IQGAP2: variants seen among roughly 807,000 people sequenced by gnomAD.
IQGAP2 encodes the protein ras GTPase-activating-like protein IQGAP2.
Under a neutral mutation model 201.3 loss-of-function variants are expected in IQGAP2, and 173 were observed. The observed-to-expected ratio is 0.86, with a 90% CI of 0.76 to 0.98. The LOEUF (loss-of-function observed/expected upper bound fraction) is 0.98, where lower values mean the gene tolerates loss of function less well. Among genes scored for constraint, IQGAP2 ranks in the 50% least tolerant of loss-of-function variants. IQGAP2 has a pLI of 0.00. For missense variants in IQGAP2, 1,687 were observed against 1,864.8 expected (o/e 0.90, Z 1.76); for synonymous variants, 675 against 673.9 (o/e 1.00, Z -0.03).
intron 2 of IQGAP2, among the ~76,000 whole-genome samples, chr5:76,489,976 T>A (rs1189084034): frequency 6.6e-6 from 1 of 152,230 alleles, no homozygotes; most frequent in Non-Finnish European, 1.5e-5. Context: ...GCAAGGAAAT[T>A]TCTTAGCCCT....
At chr5:76,441,144 C>T (rs1278317804) in intron 1 of IQGAP2, among the ~76,000 whole-genome samples, 3 of 152,032 alleles carry the variant, frequency 2.0e-5, no homozygotes, top group Non-Finnish European at 2.9e-5. Flanking sequence ...TTCCTCATTT[C>T]GTGAGCGGAA....
Position 76,673,381 on chromosome 5 carries a change from C to T in IQGAP2, c.3069-68C>T. 1.9e-6 allele frequency: 3 copies of T among 1,543,584 alleles called. No homozygotes were observed. The South Asian group carries it at 3.7e-5, about 19-fold the overall frequency. The stretch of plus-strand genomic sequence containing the variant: ...CACTATACAAAGCTTGACTATAGAA[C>T]CAACTTGGCAGCAAAATTAATGCTT... On this transcript the variant is annotated intron_variant, in intron 24 of 35. Transcript: ENST00000274364.
At chr5:76,674,408 A>C (rs751264011) in intron 26 of IQGAP2, 69 bp from the exon 27 acceptor site, 60 of 923,832 alleles carry the variant, frequency 6.5e-5, no homozygotes, top group Non-Finnish European at 9.3e-5. Context: ...ATCTTTAAAA[A>C]AAAAAAGAAA....
rs185032559 is a variant in IQGAP2, at chr5:76,538,499, G to A, written c.147-23897G>A. Among the ~76,000 whole-genome samples the A allele has an allele frequency of 4.6e-3, 700 of 152,298 alleles. 4 individuals carry two copies. The highest frequency in any genetic ancestry group is 0.015 in the African/African-American group (630 of 41,554). On this transcript the variant is annotated intron_variant, in intron 2 of 35. Coordinates refer to ENST00000274364, the MANE Select transcript of IQGAP2 (RefSeq NM_006633.5). ...AGCTGACCTCTGCCTGCCTCAAGCC[G>A]GATTACAATTCTGTTGGGACTGTTT...
chr5:76,698,904 G>C (rs1747000347), intron 33 of IQGAP2, among the ~76,000 whole-genome samples: 6 of 152,026 alleles, frequency 3.9e-5, no homozygotes, highest in Admixed American at 3.9e-4. Flanking sequence ...GGGGTACAAG[G>C]TGATGTTATC....
At chr5:76,527,875 T>G (rs577969213) in intron 2 of IQGAP2, among the ~76,000 whole-genome samples, 2 of 152,232 alleles carry the variant, frequency 1.3e-5, no homozygotes, top group African/African-American at 4.8e-5. Flanking sequence ...TATCCTGTAT[T>G]AACTTGCTAA....
intron 5 of IQGAP2, among the ~76,000 whole-genome samples, chr5:76,585,428 C>T (rs1297762426): frequency 2.6e-5 from 4 of 151,938 alleles, no homozygotes; most frequent in Non-Finnish European, 4.4e-5. Flanking sequence ...GAGGAAAGTG[C>T]AAATCAGGTA....
intron 30 of IQGAP2, among the ~76,000 whole-genome samples, chr5:76,691,955 T>G (rs1271206916): frequency 6.6e-6 from 1 of 152,186 alleles, no homozygotes; most frequent in Non-Finnish European, 1.5e-5. Context: ...CATGAACATT[T>G]CCTGCTAGAG....
intron 13 of IQGAP2, chr5:76,618,082 A>G: frequency 6.2e-7 from 1 of 1,614,160 alleles, no homozygotes; most frequent in Non-Finnish European, 8.5e-7. Flanking sequence ...ACCAAGGCAT[A>G]GGTGTGCTTG....
At chr5:76,428,962 A>C (rs968626045) in intron 1 of IQGAP2, among the ~76,000 whole-genome samples, 1 of 151,466 alleles carries the variant, frequency 6.6e-6, no homozygotes, top group Non-Finnish European at 1.5e-5. Flanking sequence ...GCGTGATGAC[A>C]CAGCTACTCG....
chr5:76,682,408 C>T lies in IQGAP2; in HGVS notation c.3661-707C>T, dbSNP rs79705381. Among the ~76,000 whole-genome samples the T allele has an allele frequency of 6.6e-3, 994 of 151,436 alleles. 24 individuals carry two copies. Among genetic ancestry groups the T allele is most frequent in the East Asian group, 0.039 (200 of 5,158 alleles). ...GAAATGCAAGCAAAAACAGATGTGT[C>T]GCTGTTCATGTGTAAGGTTGTAACA... On this transcript the variant is annotated intron_variant, in intron 28 of 35. Transcript: ENST00000274364.
At chr5:76,496,103 G>A (rs546707881) in intron 2 of IQGAP2, among the ~76,000 whole-genome samples, 1 of 152,278 alleles carries the variant, frequency 6.6e-6, no homozygotes, top group South Asian at 2.1e-4. Context: ...AACCAAACTT[G>A]GAAACCTTGA....
chr5:76,538,581 G>A (rs1389515021), intron 2 of IQGAP2, among the ~76,000 whole-genome samples: 1 of 152,212 alleles, frequency 6.6e-6, no homozygotes, highest in Non-Finnish European at 1.5e-5. Flanking sequence ...GTTTAGCTCT[G>A]TGTCAGCATC....
intron 35 of IQGAP2, among the ~76,000 whole-genome samples, chr5:76,703,170 C>T (rs1747570841): frequency 6.8e-6 from 1 of 147,336 alleles, no homozygotes; most frequent in African/African-American, 2.5e-5. Flanking sequence ...TGGGGGGGGG[C>T]ATTGAGAAAG....
Position 76,698,520 on chromosome 5 carries a change from A to G in IQGAP2, c.4367+373A>G, listed in dbSNP as rs141021801. ...TATTTTATATAATTGATAATATTAG[A>G]TAATGCCAGGTGTTTGCTAATTGCA... On this transcript the variant is annotated intron_variant, in intron 33 of 35. Coordinates refer to ENST00000274364, the MANE Select transcript of IQGAP2 (RefSeq NM_006633.5). Among the ~76,000 whole-genome samples the G allele has an allele frequency of 3.7e-4, 56 of 152,344 alleles. No individual in the cohort carries two copies. In the East Asian group the frequency reaches 0.01, roughly 28 times the overall value.
At chr5:76,473,799 AG>A (rs1755258977) in intron 2 of IQGAP2, among the ~76,000 whole-genome samples, 1 of 152,222 alleles carries the variant, frequency 6.6e-6, no homozygotes. Context: ...CTGGTTTCAA[AG>A]AATGCTTGGC....
chr5:76,410,396 G>A (rs1751045049), intron 1 of IQGAP2, among the ~76,000 whole-genome samples: 1 of 152,120 alleles, frequency 6.6e-6, no homozygotes, highest in South Asian at 2.1e-4. Flanking sequence ...CTTGTTCTTT[G>A]AGATGGTTTA....
At chr5:76,653,237 G>C (rs1291525078) in intron 18 of IQGAP2, among the ~76,000 whole-genome samples, 2 of 152,156 alleles carry the variant, frequency 1.3e-5, no homozygotes, top group African/African-American at 4.8e-5. Flanking sequence ...AGGAAGTAGA[G>C]CTAATTTAGG....
chr5:76,509,463 C>T (rs1436591289), intron 2 of IQGAP2, among the ~76,000 whole-genome samples: 1 of 150,726 alleles, frequency 6.6e-6, no homozygotes, highest in East Asian at 2.0e-4. Context: ...GTGGTGCAGT[C>T]TCGGCTCACT....
Sources: allele counts gnomAD v4.1 joint callset (sites outside exome capture counted in the v4.1 genomes callset), GRCh38; gene constraint gnomAD v4.1.1; transcripts MANE v1.5; gene names NCBI Gene and HGNC (gene_info 2026-07-23, HGNC 2026-07-21).